DNM3: variants seen among roughly 807,000 people sequenced by gnomAD.
DNM3 encodes dynamin-3.
In DNM3, 47 loss-of-function variants were observed where a neutral mutation model predicts 101.6. The observed-to-expected ratio is 0.46, with a 90% CI of 0.37 to 0.59. The LOEUF (loss-of-function observed/expected upper bound fraction) is 0.59. Among genes scored for constraint, DNM3 ranks in the 20% least tolerant of loss-of-function variants. The pLI is 0.00. For synonymous variants in DNM3, 385 were observed against 387.9 expected (o/e 0.99, Z 0.09); for missense variants, 849 against 1,085.7 (o/e 0.78, Z 3.06).
intron 14 of DNM3, among the ~76,000 whole-genome samples, chr1:172,250,695 G>A (rs2062133856): frequency 6.6e-6 from 1 of 152,088 alleles, no homozygotes; most frequent in Admixed American, 6.6e-5. Flanking sequence ...AAGGAGGCAA[G>A]AAAAGACGAT....
intron 18 of DNM3, 61 bp downstream of exon 18, chr1:172,379,243 A>G (rs2068765548): frequency 7.4e-7 from 1 of 1,345,654 alleles, no homozygotes; most frequent in Non-Finnish European, 1.0e-6. Flanking sequence ...GAAGTTGCAC[A>G]TATTATCTTC....
chr1:172,245,851 G>A (rs957440888), intron 14 of DNM3, among the ~76,000 whole-genome samples: 2 of 152,144 alleles, frequency 1.3e-5, no homozygotes, highest in African/African-American at 4.8e-5. Flanking sequence ...TCATCCACAG[G>A]TGTATTAGTC....
chr1:172,300,788 G>A (rs528948425), intron 15 of DNM3, among the ~76,000 whole-genome samples: 1 of 152,304 alleles, frequency 6.6e-6, no homozygotes, highest in African/African-American at 2.4e-5. Flanking sequence ...CCAAAAGAGA[G>A]GTGATTATAA....
intron 2 of DNM3, among the ~76,000 whole-genome samples, chr1:171,966,669 A>AAGCT (rs2125527136): frequency 6.6e-6 from 1 of 152,302 alleles, no homozygotes; most frequent in Non-Finnish European, 1.5e-5. Flanking sequence ...TTTGAGAGAA[A>AAGCT]AGCTATCCAT....
chr1:172,076,603 T>A (rs2052668296), intron 11 of DNM3, among the ~76,000 whole-genome samples: 1 of 152,242 alleles, frequency 6.6e-6, no homozygotes, highest in African/African-American at 2.4e-5. Context: ...ATTCTGTTTA[T>A]GTGATGGATT....
chr1:171,926,713 A>G (rs770016803), intron 2 of DNM3, among the ~76,000 whole-genome samples: 4 of 152,176 alleles, frequency 2.6e-5, no homozygotes, highest in Non-Finnish European at 5.9e-5. Context: ...TTGAAGTTCA[A>G]TATGAATTTC....
chr1:172,150,853 A>C (rs1250108825), intron 14 of DNM3, among the ~76,000 whole-genome samples: 1 of 152,216 alleles, frequency 6.6e-6, no homozygotes, highest in Non-Finnish European at 1.5e-5. Flanking sequence ...GGGACACACC[A>C]GCCACCCAGG....
At chr1:171,971,853 C>G (rs1038589669) in intron 2 of DNM3, among the ~76,000 whole-genome samples, 1 of 152,270 alleles carries the variant, frequency 6.6e-6, no homozygotes, top group Non-Finnish European at 1.5e-5. Flanking sequence ...TCTTGAGAGT[C>G]TTATCCTGAG....
intron 1 of DNM3, among the ~76,000 whole-genome samples, chr1:171,858,966 C>A (rs984771923): frequency 2.6e-5 from 4 of 152,128 alleles, no homozygotes; most frequent in Admixed American, 6.5e-5. Flanking sequence ...CCATTTGTAA[C>A]CTTCCAATCT....
intron 15 of DNM3, among the ~76,000 whole-genome samples, chr1:172,306,721 C>T (rs949938791): frequency 6.6e-6 from 1 of 152,094 alleles, no homozygotes; most frequent in Non-Finnish European, 1.5e-5. Flanking sequence ...TCAGCAATAA[C>T]ACCACACATC....
intron 2 of DNM3, among the ~76,000 whole-genome samples, chr1:171,948,390 A>C (rs1368218093): frequency 6.6e-6 from 1 of 152,220 alleles, no homozygotes; most frequent in Non-Finnish European, 1.5e-5. Flanking sequence ...ATCCAGGTTA[A>C]GAATTCTATT....
At chr1:171,865,995 T>C (rs1323130855) in intron 1 of DNM3, among the ~76,000 whole-genome samples, 1 of 152,188 alleles carries the variant, frequency 6.6e-6, no homozygotes, top group Non-Finnish European at 1.5e-5. Flanking sequence ...CAACAAACCT[T>C]GAAGCTTTCA....
intron 2 of DNM3, among the ~76,000 whole-genome samples, chr1:171,933,270 C>T (rs1383457735): frequency 1.3e-5 from 2 of 152,218 alleles, no homozygotes; most frequent in South Asian, 2.1e-4. Flanking sequence ...GGGAAAGAAG[C>T]GATCTGGGGT....
At chr1:172,204,177 T>C (rs1454004227) in intron 14 of DNM3, among the ~76,000 whole-genome samples, 3 of 152,156 alleles carry the variant, frequency 2.0e-5, no homozygotes, top group Admixed American at 6.6e-5. Flanking sequence ...TATAATGGCC[T>C]TTGTGAATTT....
chr1:172,167,865 A>T (rs1432215358), intron 14 of DNM3, among the ~76,000 whole-genome samples: 3 of 152,056 alleles, frequency 2.0e-5, no homozygotes, highest in Non-Finnish European at 2.9e-5. Flanking sequence ...AGGAACTTGA[A>T]GTAGAGAGAC....
At chr1:171,882,358 A>C (rs2036346656) in intron 1 of DNM3, among the ~76,000 whole-genome samples, 1 of 150,222 alleles carries the variant, frequency 6.7e-6, no homozygotes, top group African/African-American at 2.5e-5. Context: ...AAAAAAAAAA[A>C]GCCCTTTTGC....
chr1:172,192,204 AG>A (rs1322688518), intron 14 of DNM3, among the ~76,000 whole-genome samples: 2 of 152,070 alleles, frequency 1.3e-5, no homozygotes, highest in Non-Finnish European at 2.9e-5. Context: ...TTTAGCGTGA[AG>A]GGCTGTTGAA....
At position 171,847,896 on chromosome 1, in the gene DNM3, C is replaced by CTCTGTGTGTG. The variant is rs1200145388; in HGVS notation, c.161+6080_161+6081insCTGTGTGTGT. Among the ~76,000 whole-genome samples, 405 of 141,212 alleles carry CTCTGTGTGTG rather than the reference C, an allele frequency of 2.9e-3. 3 individuals are homozygous for CTCTGTGTGTG. In the South Asian group the frequency reaches 0.031, roughly 11 times the overall value. The allele number at this position is 141,212 out of a possible 152,430, so 92.6% of individuals were successfully genotyped here. A position where few individuals can be genotyped will look rare whatever the true frequency, so the allele number is the denominator to read the frequency against. On this transcript the variant is annotated intron_variant, in intron 1 of 20. Coordinates refer to ENST00000627582, the MANE Select transcript of DNM3 (RefSeq NM_015569.5). ...TATTAATTACTCTCTCTCTCTCTCT[C>CTCTGTGTGTG]TGTGTGTGTGTGTGTGTGTGTGTGT...
intron 14 of DNM3, among the ~76,000 whole-genome samples, chr1:172,191,453 G>A (rs1391302965): frequency 6.6e-6 from 1 of 152,272 alleles, no homozygotes; most frequent in South Asian, 2.1e-4. Flanking sequence ...GTAGCATGAT[G>A]CCTCCAGCTT....
Sources: gnomAD v4.1 joint callset for allele counts (sites outside exome capture counted in the v4.1 genomes callset) on GRCh38, gnomAD v4.1.1 for gene constraint, MANE v1.5 for transcripts, NCBI Gene and HGNC (gene_info 2026-07-23, HGNC 2026-07-21) for gene names.